ERC1: variants seen among roughly 807,000 people sequenced by gnomAD.
The protein encoded by ERC1 is ELKS/RAB6-interacting/CAST family member 1, also known as RAB6 interacting protein 2.
Under a neutral mutation model 132.0 loss-of-function variants are expected in ERC1, and 56 were observed. That is an observed-to-expected ratio of 0.42 (90% CI 0.34 to 0.53). ERC1 has a LOEUF of 0.53. Among genes scored for constraint, ERC1 ranks in the 20% least tolerant of loss-of-function variants. The pLI is 0.03. For synonymous variants in ERC1, 478 were observed against 476.1 expected (o/e 1.00, Z -0.05); for missense variants, 1,202 against 1,349.9 (o/e 0.89, Z 1.72).
At position 1,236,878 on chromosome 12, in the gene ERC1, C is replaced by T; in HGVS notation, c.2461C>T (p.Leu821Phe). 6.2e-7 allele frequency: 1 copy of T among 1,614,082 alleles called. No homozygotes were observed. Reference sequence around the variant, plus strand: ...GGAGGCGCGACGACGGGAGGACAATCTCAACGACAGCTCTCAGCAGCTACA... The same window carrying T: ...GGAGGCGCGACGACGGGAGGACAATTTCAACGACAGCTCTCAGCAGCTACA... ...LEEARRREDNLNDSSQQLQDS... is the reference protein window; with the variant it reads ...LEEARRREDNFNDSSQQLQDS... The change falls in exon 13 of 19, where the codon CTC becomes TTC. Residue 821 changes from leucine (L) to phenylalanine (F), a missense_variant. Coordinates refer to ENST00000360905, the MANE Select transcript of ERC1 (RefSeq NM_178040.4).
At chr12:1,244,307 T>C (rs1359387507) in intron 13 of ERC1, among the ~76,000 whole-genome samples, 1 of 152,170 alleles carries the variant, frequency 6.6e-6, no homozygotes, top group Non-Finnish European at 1.5e-5. Flanking sequence ...TTTTAATCAT[T>C]TTTATCACAA....
chr12:1,488,302 G>A (rs1262422394), intron 18 of ERC1, among the ~76,000 whole-genome samples: 2 of 152,230 alleles, frequency 1.3e-5, no homozygotes. Context: ...TTTTTAATCT[G>A]TATGCTCTTG....
intron 15 of ERC1, among the ~76,000 whole-genome samples, chr12:1,353,562 A>G (rs2085235295): frequency 6.6e-6 from 1 of 152,352 alleles, no homozygotes; most frequent in Non-Finnish European, 1.5e-5. Context: ...AGAGGTTGTC[A>G]AAGCTGGTAT....
At chr12:1,237,861 T>C (rs1370634216) in intron 13 of ERC1, among the ~76,000 whole-genome samples, 6 of 152,198 alleles carry the variant, frequency 3.9e-5, no homozygotes, top group Non-Finnish European at 5.9e-5. Context: ...CAATTTCTAA[T>C]TGGGTCTGAT....
At chr12:1,195,887 C>CCT (rs1555299214) in intron 12 of ERC1, among the ~76,000 whole-genome samples, 1 of 130,964 alleles carries the variant, frequency 7.6e-6, no homozygotes, top group Non-Finnish European at 1.6e-5. Context: ...CCCCCCCCCC[C>CCT]TTTTTTTGTA....
intron 13 of ERC1, among the ~76,000 whole-genome samples, chr12:1,255,344 G>A (rs1282560382): frequency 6.6e-5 from 10 of 151,976 alleles, no homozygotes; most frequent in South Asian, 2.1e-4. Flanking sequence ...CCAGTCTATC[G>A]CTGATGGACA....
chr12:1,188,398 A>T (rs960266796), intron 11 of ERC1, among the ~76,000 whole-genome samples: 2 of 152,102 alleles, frequency 1.3e-5, no homozygotes, highest in East Asian at 3.9e-4. Context: ...TCTCCTGCCC[A>T]TGAAGGATTG....
intron 15 of ERC1, among the ~76,000 whole-genome samples, chr12:1,347,976 C>T (rs1400931196): frequency 2.0e-5 from 3 of 151,820 alleles, no homozygotes; most frequent in Non-Finnish European, 2.9e-5. Flanking sequence ...GAGTTAGACT[C>T]GGTCTCAAGA....
chr12:1,204,578 T>A, intron 12 of ERC1: 1 of 1,425,188 alleles, frequency 7.0e-7, no homozygotes. Context: ...TTGTCTTGAA[T>A]TCTTACAGGG....
rs866664885 is a variant in ERC1 at position 1,478,804 on chromosome 12, G to A, written c.3214-11289G>A. 5.0e-3 allele frequency among the ~76,000 whole-genome samples: 620 copies of A among 122,878 alleles called. 6 individuals are homozygous for A. Among genetic ancestry groups the A allele is most frequent in the African/African-American group, 0.019 (514 of 26,836 alleles). 80.6% of individuals were successfully genotyped at this position (122,878 alleles called of 152,430 possible). On this transcript the variant is annotated intron_variant, in intron 18 of 18. Coordinates refer to ENST00000360905, the MANE Select transcript of ERC1 (RefSeq NM_178040.4). The stretch of plus-strand genomic sequence containing the variant: ...ACTCTGTCTCAATAAAAAAAAGAGA[G>A]AGAGAGAGAGAGACAGAAATCCTTA...
intron 2 of ERC1, among the ~76,000 whole-genome samples, chr12:1,054,975 T>C (rs1162467412): frequency 1.3e-5 from 2 of 152,078 alleles, no homozygotes; most frequent in Non-Finnish European, 2.9e-5. Context: ...AAGAGTAAAA[T>C]CACTTAAGCT....
chr12:1,289,791 A>T, intron 14 of ERC1, 61 bp from the exon 15 acceptor site: 1 of 1,402,388 alleles, frequency 7.1e-7, no homozygotes, highest in South Asian at 1.2e-5. Flanking sequence ...CGTGTTACCC[A>T]GGTCCTCTGA....
At chr12:1,421,736 G>T (rs1042853095) in intron 17 of ERC1, among the ~76,000 whole-genome samples, 1 of 151,960 alleles carries the variant, frequency 6.6e-6, no homozygotes, top group Non-Finnish European at 1.5e-5. Context: ...CTAGGGAACG[G>T]GCTGCGCACA....
chr12:1,056,993 T>C (rs1973089811), intron 2 of ERC1, among the ~76,000 whole-genome samples: 2 of 152,306 alleles, frequency 1.3e-5, no homozygotes, highest in Admixed American at 6.5e-5. Flanking sequence ...GCCAGGAAAT[T>C]AGTAAATATT....
At chr12:1,190,759 A>C (rs1453726339) in intron 12 of ERC1, among the ~76,000 whole-genome samples, 2 of 152,130 alleles carry the variant, frequency 1.3e-5, no homozygotes, top group Non-Finnish European at 2.9e-5. Context: ...CATAAATGTA[A>C]AACTGTGCAG....
intron 16 of ERC1, among the ~76,000 whole-genome samples, chr12:1,373,824 T>C (rs560676400): frequency 2.6e-4 from 39 of 152,186 alleles, no homozygotes; most frequent in Middle Eastern, 3.4e-3. Flanking sequence ...AATTAATTAA[T>C]CTCTGAGCTT....
chr12:1,096,254 C>T (rs1197456970), intron 3 of ERC1, among the ~76,000 whole-genome samples: 1 of 152,102 alleles, frequency 6.6e-6, no homozygotes, highest in Non-Finnish European at 1.5e-5. Flanking sequence ...ATGGATTTTT[C>T]GGTTTTCTTT....
intron 2 of ERC1, among the ~76,000 whole-genome samples, chr12:1,049,439 C>T (rs1387001683): frequency 6.6e-6 from 1 of 152,158 alleles, no homozygotes; most frequent in Non-Finnish European, 1.5e-5. Context: ...CTGAGTCTCA[C>T]CCAAACCCTC....
At chr12:1,175,201 G>C (rs1953556626) in intron 8 of ERC1, among the ~76,000 whole-genome samples, 2 of 152,142 alleles carry the variant, frequency 1.3e-5, no homozygotes, top group South Asian at 4.1e-4. Flanking sequence ...AGTTGCTGAA[G>C]GTTGGGGTGG....
Sources: allele counts gnomAD v4.1 joint callset (sites outside exome capture counted in the v4.1 genomes callset), GRCh38; gene constraint gnomAD v4.1.1; transcripts MANE v1.5; gene names NCBI Gene and HGNC (gene_info 2026-07-23, HGNC 2026-07-21).